The following FBP1 variants were observed in gnomAD, a reference collection of about 807,000 sequenced individuals.
FBP1 encodes the protein fructose-bisphosphatase 1.
Under a neutral mutation model 29.9 loss-of-function variants are expected in FBP1, and 22 were observed. That is an observed-to-expected ratio of 0.74 (90% confidence interval 0.53 to 1.05). The LOEUF is 1.05. Ranked by LOEUF, FBP1 falls within the 50% of genes least tolerant of loss-of-function variation. The pLI, the probability that FBP1 is intolerant of heterozygous loss-of-function variation, is 0.00. For synonymous variants in FBP1, 175 were observed against 178.6 expected (o/e 0.98, Z 0.16); for missense variants, 345 against 448.2 (o/e 0.77, Z 2.08).
intron 5 of FBP1, 97 bp downstream of exon 5, chr9:94,606,718 G>T: frequency 7.8e-7 from 1 of 1,277,280 alleles, no homozygotes; most frequent in Non-Finnish European, 1.1e-6. Flanking sequence ...TCGATCCCAA[G>T]GATCCCTTTC....
At chr9:94,637,912 G>C (rs1229900014) in intron 1 of FBP1, among the ~76,000 whole-genome samples, 2 of 151,550 alleles carry the variant, frequency 1.3e-5, no homozygotes, top group Non-Finnish European at 2.9e-5. Flanking sequence ...GAGAAACCCC[G>C]TTTCTACTAA....
intron 5 of FBP1, 51 bp from the exon 6 acceptor site, chr9:94,605,627 G>A (rs755889878): frequency 5.7e-6 from 9 of 1,577,928 alleles, no homozygotes; most frequent in Non-Finnish European, 7.8e-6. Flanking sequence ...AAGAAAGAGA[G>A]TTTTCTTGGT....
chr9:94,609,838 A>G (rs1827755689), intron 4 of FBP1, 83 bp downstream of exon 4: 2 of 1,501,130 alleles, frequency 1.3e-6, no homozygotes, highest in African/African-American at 1.4e-5. Flanking sequence ...CCACCTCCAC[A>G]TACCCCTGCC....
intron 3 of FBP1, among the ~76,000 whole-genome samples, chr9:94,610,903 G>A (rs374756780): frequency 1.4e-3 from 211 of 146,888 alleles, no homozygotes; most frequent in African/African-American, 5.1e-3. Flanking sequence ...TCGCTCTGTC[G>A]CCCAGGCTGG....
At chr9:94,605,620 A>G in intron 5 of FBP1, 44 bp from the exon 6 acceptor site, 2 of 1,357,036 alleles carry the variant, frequency 1.5e-6, no homozygotes, top group South Asian at 1.5e-5. Flanking sequence ...AGAAAATAAG[A>G]AAGAGAGTTT....
chr9:94,613,816 G>T (rs890294967), intron 3 of FBP1, among the ~76,000 whole-genome samples: 2 of 150,902 alleles, frequency 1.3e-5, no homozygotes, highest in Non-Finnish European at 2.9e-5. Flanking sequence ...AGTGGCTCAC[G>T]CCTGTAATCC....
Position 94,603,253 on chromosome 9 carries a change from G to T in FBP1, c.*128C>A. 1.3e-6 allele frequency: 1 copy of T among 796,550 alleles called. No individual in the cohort carries two copies. The highest frequency in any genetic ancestry group is 2.2e-6 in the Non-Finnish European group (1 of 461,178). 49.3% of individuals were successfully genotyped at this position (796,550 alleles called of 1,614,324 possible). On this transcript the variant is annotated 3_prime_UTR_variant, in exon 7 of 7. Transcript: ENST00000375326. The stretch of plus-strand genomic sequence containing the variant: ...TGCCAAGCATTCTACAGCATTTGAT[G>T]GTGGAAATAGTCATGCTTTTTATTT...
intron 4 of FBP1, among the ~76,000 whole-genome samples, chr9:94,609,406 C>T (rs1183419618): frequency 6.6e-6 from 1 of 152,156 alleles, no homozygotes; most frequent in South Asian, 2.1e-4. Context: ...TATCTACAGC[C>T]CCATCAGGTC....
chr9:94,608,626 G>C (rs1827735988), intron 4 of FBP1, among the ~76,000 whole-genome samples: 1 of 151,540 alleles, frequency 6.6e-6, no homozygotes, highest in African/African-American at 2.4e-5. Context: ...CCCTACCCAG[G>C]TCACCACATT....
rs1827875001 is a variant in FBP1, at chr9:94,617,070, T to C, written c.426+698A>G. Among the ~76,000 whole-genome samples the C allele has an allele frequency of 1.3e-5, 2 of 152,194 alleles. 1 individual carries two copies. Among genetic ancestry groups the C allele is most frequent in the East Asian group, 3.9e-4 (2 of 5,188 alleles). ...TTCTACGACTTAGAGCAAAGCTCAG[T>C]AAACTGTTTCTACAGACAGACAGAT... is the stretch of plus-strand genomic sequence containing the variant. On this transcript the variant is annotated intron_variant, in intron 3 of 6. Coordinates refer to ENST00000375326, the MANE Select transcript of FBP1 (RefSeq NM_000507.4).
At chr9:94,622,162 A>G (rs1827958883) in intron 1 of FBP1, among the ~76,000 whole-genome samples, 2 of 152,256 alleles carry the variant, frequency 1.3e-5, no homozygotes. Flanking sequence ...TAGAATTCCC[A>G]GAATCCAGTG....
At chr9:94,603,695 T>C in intron 6 of FBP1, 123 bp from the exon 7 acceptor site, 1 of 909,216 alleles carries the variant, frequency 1.1e-6, no homozygotes, top group South Asian at 1.4e-5. Flanking sequence ...ACTGTATTTT[T>C]CCTTCCTGTG....
At chr9:94,630,683 C>T (rs943871308) in intron 1 of FBP1, among the ~76,000 whole-genome samples, 1 of 152,200 alleles carries the variant, frequency 6.6e-6, no homozygotes, top group African/African-American at 2.4e-5. Context: ...GAAATATTAC[C>T]GTTTCCACCT....
At chr9:94,621,615 A>G (rs1027445247) in intron 1 of FBP1, among the ~76,000 whole-genome samples, 1 of 152,102 alleles carries the variant, frequency 6.6e-6, no homozygotes, top group South Asian at 2.1e-4. Flanking sequence ...TTTTTTCCTC[A>G]ACCATACTCC....
Position 94,616,853 on chromosome 9 carries a change from A to G in FBP1, c.426+915T>C, listed in dbSNP as rs114866347. ...TTCATTCTATTTTTCACTTATTCGTATAATTGAGCACCTCTCCCTCTCCCT... is the reference window on the plus strand; with the variant it reads ...TTCATTCTATTTTTCACTTATTCGTGTAATTGAGCACCTCTCCCTCTCCCT... On this transcript the variant is annotated intron_variant, in intron 3 of 6. Coordinates refer to ENST00000375326, the MANE Select transcript of FBP1 (RefSeq NM_000507.4). 6.5e-3 allele frequency among the ~76,000 whole-genome samples: 995 copies of G among 152,090 alleles called. 15 individuals carry two copies. The highest frequency in any genetic ancestry group is 0.023 in the African/African-American group (953 of 41,460).
At chr9:94,619,344 CCTT>C (rs752056690) in intron 2 of FBP1, among the ~76,000 whole-genome samples, 16 of 152,122 alleles carry the variant, frequency 1.1e-4, no homozygotes, top group Admixed American at 2.6e-4. Flanking sequence ...TAATTCTACT[CCTT>C]CATGTTCCCA....
intron 6 of FBP1, chr9:94,603,959 TA>T (rs1006649352): frequency 2.8e-5 from 9 of 318,152 alleles, no homozygotes; most frequent in African/African-American, 1.5e-4. Flanking sequence ...CTAAAAGCAA[TA>T]AAAAAAATCC....
At chr9:94,630,355 G>A (rs547168334) in intron 1 of FBP1, among the ~76,000 whole-genome samples, 2 of 152,292 alleles carry the variant, frequency 1.3e-5, no homozygotes, top group East Asian at 3.9e-4. Context: ...CTCCAGATTA[G>A]CATAGCTTCT....
intron 5 of FBP1, among the ~76,000 whole-genome samples, chr9:94,606,318 G>A (rs1827699522): frequency 6.6e-6 from 1 of 152,178 alleles, no homozygotes; most frequent in Non-Finnish European, 1.5e-5. Context: ...TCGGTCTCGA[G>A]ATAACTGATA....
Sources: gnomAD v4.1 joint callset for allele counts (sites outside exome capture counted in the v4.1 genomes callset) on GRCh38, gnomAD v4.1.1 for gene constraint, MANE v1.5 for transcripts, NCBI Gene and HGNC (gene_info 2026-07-23, HGNC 2026-07-21) for gene names.